Variants in GLUD1 observed in about 807,000 individuals in gnomAD.
GLUD1 encodes glutamate dehydrogenase 1, mitochondrial.
A neutral mutation model predicts 56.0 loss-of-function variants in GLUD1; 22 were observed. The observed-to-expected ratio is 0.39, with a 90% CI of 0.28 to 0.56. The LOEUF (loss-of-function observed/expected upper bound fraction) is 0.56. Among genes scored for constraint, GLUD1 ranks in the 20% least tolerant of loss-of-function variants. The pLI is 0.58. For missense variants in GLUD1, 451 were observed against 732.0 expected, an observed-to-expected ratio of 0.62 and a Z score of 4.43; for synonymous variants, 223 against 269.9, an observed-to-expected ratio of 0.83 and a Z score of 1.70.
In GLUD1 at chr10:87,094,437, G is replaced by A. The variant is rs1303598938; in HGVS notation, c.333C>T (p.Pro111=). 1 of 1,613,708 alleles carries A rather than the reference G, an allele frequency of 6.2e-7. No homozygotes were observed. Among genetic ancestry groups the A allele is most frequent in the African/African-American group, 1.3e-5 (1 of 74,938 alleles). ...AGGAGAGACTCAGCACATGGTTGCA[G>A]GGCTTGATGATCCGCAGGATGCCGC... is the stretch of plus-strand genomic sequence containing the variant. The part of the protein sequence containing the change: ...RVRGILRIIK[P]CNHVLSLSFP... The change falls in exon 1 of 13, where the codon CCC becomes CCT. Residue 111 remains proline, a synonymous_variant. Transcript: ENST00000277865. This position sits in a 1 kb window ranked among gnomAD's most constrained non-coding sequence, Gnocchi z 6.6.
chr10:87,075,110 A>G (rs1266756002), intron 3 of GLUD1, among the ~76,000 whole-genome samples: 1 of 152,124 alleles, frequency 6.6e-6, no homozygotes, highest in African/African-American at 2.4e-5. Flanking sequence ...TCACAGTAAT[A>G]CTTTTTTCTT....
intron 10 of GLUD1, among the ~76,000 whole-genome samples, chr10:87,058,871 A>G (rs1198523714): frequency 6.6e-6 from 1 of 152,182 alleles, no homozygotes; most frequent in Non-Finnish European, 1.5e-5. Flanking sequence ...AGCCTCGGCG[A>G]CGGAGCGAGA....
rs560657899 is a variant in GLUD1 at position 87,079,436 on chromosome 10, C to G, written c.446-2780G>C. ...CCAGCAACAGAGCCAGACCTTTCCTCAAAAAAAAAAAGAAAAAAGAAAAAA... is the reference window on the plus strand; with the variant it reads ...CCAGCAACAGAGCCAGACCTTTCCTGAAAAAAAAAAAGAAAAAAGAAAAAA... On this transcript the variant is annotated intron_variant, in intron 1 of 12. Transcript: ENST00000277865. Among the ~76,000 whole-genome samples, 9 of 127,386 alleles carry G rather than the reference C, an allele frequency of 7.1e-5. No homozygotes were observed. In the South Asian group the frequency reaches 2.2e-3, roughly 31 times the overall value. 83.6% of individuals were successfully genotyped at this position (127,386 alleles called of 152,430 possible).
At chr10:87,057,664 G>T (rs781559964) in intron 11 of GLUD1, 27 bp downstream of exon 11, 3 of 1,142,632 alleles carry the variant, frequency 2.6e-6, no homozygotes, top group African/African-American at 1.5e-5. Context: ...CATGTGTGAA[G>T]TACAACTGTG....
chr10:87,051,821 G>A lies in GLUD1; in HGVS notation c.1607C>T (p.Thr536Ile). ...MKYNLGLDLR[T>I]AAYVNAIEKV... ...CTCAATGGCATTAACATAGGCAGCT[G>A]TTCTCAGGTCCAATCCCAGGTTATA... The change falls in exon 13 of 13, where the codon ACA becomes ATA. Residue 536 changes from threonine to isoleucine, a missense_variant. Physicochemically the swap from Thr to Ile is moderately conservative, Grantham distance 89 (BLOSUM62 -1). Transcript: ENST00000277865. 6.2e-7 allele frequency: 1 copy of A among 1,613,910 alleles called. No individual in the cohort carries two copies. The highest frequency in any genetic ancestry group is 8.5e-7 in the Non-Finnish European group (1 of 1,179,898).
chr10:87,077,455 CCT>C (rs765736205), intron 1 of GLUD1, among the ~76,000 whole-genome samples: 13 of 152,034 alleles, frequency 8.6e-5, no homozygotes, highest in Non-Finnish European at 1.9e-4. Flanking sequence ...CCACTGCCAA[CCT>C]CTTTCAATCT....
intron 1 of GLUD1, chr10:87,089,798 G>C: frequency 1.3e-6 from 1 of 760,840 alleles, no homozygotes; most frequent in Non-Finnish European, 1.6e-6. Context: ...TCTGGAAAGG[G>C]GAAAATATTG....
At chr10:87,059,073 C>G in intron 10 of GLUD1, 77 bp downstream of exon 10, 1 of 1,526,262 alleles carries the variant, frequency 6.6e-7, no homozygotes, top group Non-Finnish European at 9.1e-7. Context: ...GGGATCAGTT[C>G]TCTTAAGTGG....
chr10:87,070,973 CA>C (rs1332161158), intron 4 of GLUD1, among the ~76,000 whole-genome samples: 12 of 151,248 alleles, frequency 7.9e-5, no homozygotes, highest in Middle Eastern at 3.4e-3. Flanking sequence ...ACTAAAAATA[CA>C]AAAAATTAGC....
rs746850309 is a variant in GLUD1, at chr10:87,075,948, A to T, written c.582+20T>A. 2 of 1,485,062 alleles carry T rather than the reference A, an allele frequency of 1.3e-6. No individual in the cohort carries two copies. Among genetic ancestry groups the T allele is most frequent in the East Asian group, 2.3e-5 (1 of 44,300 alleles). 92.0% of individuals were successfully genotyped at this position (1,485,062 alleles called of 1,614,324 possible). Reference sequence around the variant, plus strand: ...AAAACAACAACAACAATAAAAAACAAATATCACTTTCATACTTACAGTATA... The same window carrying T: ...AAAACAACAACAACAATAAAAAACATATATCACTTTCATACTTACAGTATA... On this transcript the variant is annotated intron_variant, in intron 3 of 12. Transcript: ENST00000277865.
chr10:87,053,561 G>C lies in GLUD1; in HGVS notation c.1495-157C>G, dbSNP rs932230645. Reference sequence around the variant, plus strand: ...ATTTCTGCACAGTATCAAAGATACAGTATCTTGATACTTACTGAAGCAGTT... The same window carrying C: ...ATTTCTGCACAGTATCAAAGATACACTATCTTGATACTTACTGAAGCAGTT... On this transcript the variant is annotated intron_variant, in intron 11 of 12. Coordinates refer to ENST00000277865, the MANE Select transcript of GLUD1 (RefSeq NM_005271.5). Among the ~76,000 whole-genome samples the C allele has an allele frequency of 2.7e-4, 41 of 152,184 alleles. 1 individual carries two copies. Among genetic ancestry groups the C allele is most frequent in the Admixed American group, 2.4e-3 (37 of 15,274 alleles).
At chr10:87,061,973 C>T (rs762036686) in intron 6 of GLUD1, among the ~76,000 whole-genome samples, 31 of 152,224 alleles carry the variant, frequency 2.0e-4, no homozygotes, top group African/African-American at 6.3e-4. Context: ...TAGCGGAGAC[C>T]GGGTTTCACC....
intron 1 of GLUD1, chr10:87,089,586 GT>G: frequency 5.1e-6 from 5 of 984,078 alleles, no homozygotes; most frequent in Non-Finnish European, 3.6e-6. Context: ...TTGACCTCAA[GT>G]GAAGGCAGAA....
Position 87,051,660 on chromosome 10 carries a change from GAA to G in GLUD1, c.*89_*90del, listed in dbSNP as rs1168474993. The G allele has an allele frequency of 2.9e-6, 4 of 1,385,472 alleles. No homozygotes were observed. The East Asian group carries it at 9.1e-5, about 32-fold the overall frequency. 85.8% of individuals were successfully genotyped at this position (1,385,472 alleles called of 1,614,324 possible). ...TATCCATTATTAATGAGTCAGGAGA[GAA>G]AGGGATTTCTGTGGTTACATGTAAA... On this transcript the variant is annotated 3_prime_UTR_variant, in exon 13 of 13. Transcript: ENST00000277865.
chr10:87,067,024 A>G (rs933101420), intron 5 of GLUD1, among the ~76,000 whole-genome samples: 3 of 152,202 alleles, frequency 2.0e-5, no homozygotes, highest in African/African-American at 7.2e-5. Flanking sequence ...TGTGCCTCAC[A>G]TGTGCAATGC....
At chr10:87,052,351 G>T (rs924528654) in intron 12 of GLUD1, among the ~76,000 whole-genome samples, 4 of 152,020 alleles carry the variant, frequency 2.6e-5, no homozygotes, top group African/African-American at 7.3e-5. Context: ...AACCGGGTGT[G>T]GGGGTGGGCG....
intron 1 of GLUD1, among the ~76,000 whole-genome samples, chr10:87,085,554 C>T (rs569522102): frequency 1.3e-5 from 2 of 152,030 alleles, no homozygotes; most frequent in Admixed American, 1.3e-4. Context: ...AACCTATTGA[C>T]ACATCAAAGA....
At chr10:87,065,791 A>G (rs1055055570) in intron 5 of GLUD1, among the ~76,000 whole-genome samples, 2 of 152,134 alleles carry the variant, frequency 1.3e-5, no homozygotes, top group Non-Finnish European at 1.5e-5. Flanking sequence ...ATTATTATTC[A>G]TCTAATGCTC....
intron 1 of GLUD1, among the ~76,000 whole-genome samples, chr10:87,088,390 C>A (rs138325685): frequency 6.6e-6 from 1 of 151,888 alleles, no homozygotes; most frequent in Non-Finnish European, 1.5e-5. Flanking sequence ...AGAGATCTTG[C>A]CTGCAGGAAC....
Sources: allele counts gnomAD v4.1 joint callset (sites outside exome capture counted in the v4.1 genomes callset), GRCh38; gene constraint gnomAD v4.1.1; non-coding constraint Gnocchi (gnomAD v3.1); transcripts MANE v1.5; gene names NCBI Gene and HGNC (gene_info 2026-07-23, HGNC 2026-07-21).